The following FANCA variants were observed in gnomAD, a reference collection of about 807,000 sequenced individuals.
FANCA encodes Fanconi anemia group A protein.
Under a neutral mutation model 194.3 loss-of-function variants are expected in FANCA, and 236 were observed. That is an observed-to-expected ratio of 1.21 (90% CI 1.09 to 1.35). The LOEUF (loss-of-function observed/expected upper bound fraction) is 1.35, where lower values mean the gene tolerates loss of function less well. Among genes scored for constraint, FANCA ranks in the 40% most tolerant of loss-of-function variants. The pLI, the probability that FANCA is intolerant of heterozygous loss-of-function variation, is 0.00. For synonymous variants in FANCA, 1,014 were observed against 715.8 expected, an observed-to-expected ratio of 1.42 and a Z score of -6.65; for missense variants, 2,628 against 1,813.9, an observed-to-expected ratio of 1.45 and a Z score of -8.15.
intron 10 of FANCA, among the ~76,000 whole-genome samples, chr16:89,797,808 T>C (rs1021845641): frequency 3.3e-5 from 5 of 151,992 alleles, no homozygotes; most frequent in South Asian, 2.1e-4. Flanking sequence ...GGCAGAAGAA[T>C]TGATTGAACC....
intron 14 of FANCA, 157 bp downstream of exon 14, chr16:89,791,246 G>A (rs902582077): frequency 1.0e-5 from 10 of 967,284 alleles, no homozygotes; most frequent in African/African-American, 6.5e-5. Context: ...CAGGCTCCTC[G>A]GCACACGCAG....
rs764817067 is a variant in FANCA at position 89,738,256 on chromosome 16, T to C, written c.*345A>G. ...GCCCGAACCCACCTGAGGACGGCAG[T>C]GAGGATGAGCACCTCTAGCAGCCTG... On this transcript the variant is annotated 3_prime_UTR_variant, in exon 43 of 43. Transcript: ENST00000389301. The C allele has an allele frequency of 6.3e-7, 1 of 1,589,818 alleles. No individual in the cohort carries two copies. Among genetic ancestry groups the C allele is most frequent in the Non-Finnish European group, 8.6e-7 (1 of 1,169,058 alleles).
chr16:89,761,958 T>C lies in FANCA; in HGVS notation c.2843A>G (p.Asp948Gly). 1 of 1,613,896 alleles carries C rather than the reference T, an allele frequency of 6.2e-7. No homozygotes were observed. The highest frequency in any genetic ancestry group is 1.1e-5 in the South Asian group (1 of 91,086). ...EIQPEADALSDTERQDFHQWA... is the reference protein window; with the variant it reads ...EIQPEADALSGTERQDFHQWA... ...TCTTTTCAACACTTACCGTTCAGTATCTGAAAGAGCATCAGCTTCAGGTTG... is the reference window on the plus strand; with the variant it reads ...TCTTTTCAACACTTACCGTTCAGTACCTGAAAGAGCATCAGCTTCAGGTTG... The change falls in exon 29 of 43, where the codon GAT becomes GGT. Residue 948 changes from aspartate to glycine, a missense_variant. Transcript: ENST00000389301.
intron 10 of FANCA, chr16:89,798,576 G>A (rs1334056571): frequency 8.7e-7 from 1 of 1,143,302 alleles, no homozygotes; most frequent in South Asian, 3.1e-5. Context: ...GCAAACCCCA[G>A]AGCCCCATTT....
chr16:89,752,071 T>C, intron 31 of FANCA, 67 bp downstream of exon 31: 1 of 1,453,286 alleles, frequency 6.9e-7, no homozygotes, highest in Non-Finnish European at 9.7e-7. Context: ...CGCCTGGCAA[T>C]AAATATCTTA....
At position 89,775,824 on chromosome 16, in the gene FANCA, C is replaced by A; in HGVS notation, c.1827-9G>T. On this transcript the variant is annotated splice_polypyrimidine_tract_variant and intron_variant, in intron 20 of 42. Transcript: ENST00000389301. ...GGGGGATTTTATCTGCTCTGGATCA[C>A]AGGAAAACAATACAATTAAGTCAGC... The A allele has an allele frequency of 6.2e-7, 1 of 1,602,202 alleles. No homozygotes were observed. The highest frequency in any genetic ancestry group is 8.5e-7 in the Non-Finnish European group (1 of 1,170,980).
At chr16:89,773,773 C>CTT (rs552737101) in intron 21 of FANCA, among the ~76,000 whole-genome samples, 8 of 135,514 alleles carry the variant, frequency 5.9e-5, no homozygotes, top group African/African-American at 1.1e-4. Flanking sequence ...GTTCCTCAAA[C>CTT]TTTTTTTTTT....
intron 17 of FANCA, among the ~76,000 whole-genome samples, chr16:89,781,490 G>C (rs1320007586): frequency 6.7e-6 from 1 of 150,218 alleles, no homozygotes; most frequent in Admixed American, 6.7e-5. Flanking sequence ...TGGATAACAT[G>C]GTGAAACCCC....
At chr16:89,793,163 G>A (rs1349617290) in intron 11 of FANCA, among the ~76,000 whole-genome samples, 2 of 152,052 alleles carry the variant, frequency 1.3e-5, no homozygotes, top group Admixed American at 6.5e-5. Context: ...ACTCCCGGGG[G>A]GAAAGGGAGA....
At chr16:89,754,453 A>G (rs893012401) in intron 30 of FANCA, among the ~76,000 whole-genome samples, 3 of 151,970 alleles carry the variant, frequency 2.0e-5, no homozygotes, top group African/African-American at 7.3e-5. Context: ...ACTCACTGCA[A>G]CCTCTGCCTC....
chr16:89,770,725 A>G (rs2039295489), intron 23 of FANCA, 91 bp from the exon 24 acceptor site: 13 of 1,165,424 alleles, frequency 1.1e-5, no homozygotes, highest in Non-Finnish European at 1.6e-5. Context: ...AGACATCGCA[A>G]TTCTGCTTTG....
At position 89,739,150 on chromosome 16, in the gene FANCA, G is replaced by C; in HGVS notation, c.4150C>G (p.Leu1384Val). ...GCACCTGCCTGACCCTTGAGCTCCA[G>C]GCTCCTGCCAGCTGGAGGTGAAACT... is the stretch of plus-strand genomic sequence containing the variant. ...STVSPPAGRSLELKGQGNPVE... is the reference protein window; with the variant it reads ...STVSPPAGRSVELKGQGNPVE... The change falls in exon 41 of 43, where the codon CTG (leucine) becomes GTG (valine). Residue 1384 changes from leucine (L) to valine (V), a missense_variant. Coordinates refer to ENST00000389301, the MANE Select transcript of FANCA (RefSeq NM_000135.4). 2 of 1,614,174 alleles carry C rather than the reference G, an allele frequency of 1.2e-6. No individual in the cohort carries two copies. Among genetic ancestry groups the C allele is most frequent in the Non-Finnish European group, 1.7e-6 (2 of 1,180,032 alleles).
chr16:89,753,443 G>A (rs1399850542), intron 30 of FANCA, among the ~76,000 whole-genome samples: 4 of 152,086 alleles, frequency 2.6e-5, no homozygotes. Context: ...CCGACCCTCC[G>A]GGGCTGGTCC....
chr16:89,742,813 C>T lies in FANCA; in HGVS notation c.3752G>A (p.Cys1251Tyr), dbSNP rs755465084. The change falls in exon 37 of 43, where the codon TGC becomes TAC. Residue 1251 changes from cysteine (C) to tyrosine (Y), a missense_variant. Coordinates refer to ENST00000389301, the MANE Select transcript of FANCA (RefSeq NM_000135.4). ...NIRKQLKKLD[C>Y]EREELLVFLF... Reference sequence around the variant, plus strand: ...TTCCTATCTTGCCTCCTCTCTCTCGCAGTCCAGCTTCTTTAGCTGCTTCCT... The same window carrying T: ...TTCCTATCTTGCCTCCTCTCTCTCGTAGTCCAGCTTCTTTAGCTGCTTCCT... 1 of 1,614,184 alleles carries T rather than the reference C, an allele frequency of 6.2e-7. No homozygotes were observed. Among genetic ancestry groups the T allele is most frequent in the Non-Finnish European group, 8.5e-7 (1 of 1,180,030 alleles).
intron 12 of FANCA, 35 bp from the exon 13 acceptor site, chr16:89,792,103 A>T: frequency 6.2e-7 from 1 of 1,613,986 alleles, no homozygotes; most frequent in Non-Finnish European, 8.5e-7. Context: ...TCAATATCCA[A>T]GCAAACCAAT....
At chr16:89,742,989 C>G in intron 36 of FANCA, 51 bp from the exon 37 acceptor site, 1 of 1,590,988 alleles carries the variant, frequency 6.3e-7, no homozygotes, top group Non-Finnish European at 8.6e-7. Flanking sequence ...CATACAACCA[C>G]GCCATAGAAA....
chr16:89,746,193 G>A (rs1368822559), intron 35 of FANCA, among the ~76,000 whole-genome samples: 3 of 152,186 alleles, frequency 2.0e-5, no homozygotes, highest in South Asian at 4.1e-4. Context: ...ATAGTCAGGC[G>A]CAAGTGGGCC....
intron 22 of FANCA, 40 bp from the exon 23 acceptor site, chr16:89,771,854 G>A (rs375660159): frequency 4.4e-5 from 71 of 1,611,958 alleles, no homozygotes; most frequent in Middle Eastern, 2.1e-4. Context: ...CAAGAACCCC[G>A]AAAGGAGGGA....
At chr16:89,762,176 C>T (rs1390212509) in intron 28 of FANCA, among the ~76,000 whole-genome samples, 154 bp from the exon 29 acceptor site, 1 of 152,186 alleles carries the variant, frequency 6.6e-6, no homozygotes, top group Non-Finnish European at 1.5e-5. Flanking sequence ...AGGAAAGAAA[C>T]CTTAGTTTTA....
Sources: gnomAD v4.1 joint callset for allele counts (sites outside exome capture counted in the v4.1 genomes callset) on GRCh38, gnomAD v4.1.1 for gene constraint, MANE v1.5 for transcripts, NCBI Gene and HGNC (gene_info 2026-07-23, HGNC 2026-07-21) for gene names.